Variants in QSER1 observed in about 807,000 individuals in gnomAD.
QSER1 encodes glutamine and serine rich 1.
In QSER1, 49 loss-of-function variants were observed where a neutral mutation model predicts 158.5. The observed-to-expected ratio is 0.31, with a 90% CI of 0.25 to 0.39. The LOEUF (loss-of-function observed/expected upper bound fraction) is 0.39, where lower values mean the gene tolerates loss of function less well. QSER1 is among the 10% of genes least tolerant of loss of function. The probability of loss-of-function intolerance (pLI) is 1.00; values close to 1 mark genes in which losing one functional copy is unlikely to be tolerated. For synonymous variants in QSER1, 650 were observed against 715.5 expected, an observed-to-expected ratio of 0.91 and a Z score of 1.46; for missense variants, 1,754 against 2,010.3, an observed-to-expected ratio of 0.87 and a Z score of 2.44.
chr11:32,928,274 G>A, intron 3 of QSER1, 151 bp downstream of exon 3: 1 of 586,980 alleles, frequency 1.7e-6, no homozygotes, highest in South Asian at 2.3e-5. Context: ...ATTTTCAGGT[G>A]GATAAAATTC....
At chr11:32,937,670 T>C (rs151150590) in intron 4 of QSER1, among the ~76,000 whole-genome samples, 2 of 152,346 alleles carry the variant, frequency 1.3e-5, no homozygotes, top group Non-Finnish European at 2.9e-5. Flanking sequence ...GGAAAGCTGA[T>C]TGTTACTTCT....
At chr11:32,921,319 T>C (rs987153432) in intron 1 of QSER1, among the ~76,000 whole-genome samples, 1 of 152,146 alleles carries the variant, frequency 6.6e-6, no homozygotes. Flanking sequence ...AGAAGGTAGA[T>C]CAGTGATTGC....
At chr11:32,917,821 C>CAA (rs371007117) in intron 1 of QSER1, among the ~76,000 whole-genome samples, 24,828 of 78,816 alleles carry the variant, frequency 0.32, 4,557 homozygotes, top group East Asian at 0.65. Context: ...GACTCTGTCT[C>CAA]AAAAAAAAAA....
intron 10 of QSER1, among the ~76,000 whole-genome samples, chr11:32,971,339 C>T (rs1160953175): frequency 1.3e-5 from 2 of 152,118 alleles, no homozygotes; most frequent in East Asian, 3.9e-4. Context: ...AGTGTGCTTT[C>T]CTATGTTGAT....
chr11:32,936,520 AT>A (rs751102070), intron 4 of QSER1, among the ~76,000 whole-genome samples: 1 of 152,232 alleles, frequency 6.6e-6, no homozygotes, highest in African/African-American at 2.4e-5. Context: ...TGTAAGAAAC[AT>A]GCCAAGGAAA....
chr11:32,898,645 G>GGT (rs1851587696), intron 1 of QSER1, among the ~76,000 whole-genome samples: 1 of 152,078 alleles, frequency 6.6e-6, no homozygotes, highest in Admixed American at 6.5e-5. Flanking sequence ...GGAGTACAGT[G>GGT]GTATGAACAC....
In QSER1 at chr11:32,977,840, T is replaced by C. The variant is rs557897914; in HGVS notation, c.*1366T>C. The C allele has an allele frequency of 6.5e-6, 1 of 152,772 alleles. No individual in the cohort carries two copies. Among genetic ancestry groups the C allele is most frequent in the African/African-American group, 2.4e-5 (1 of 41,582 alleles). The allele number at this position is 152,772 out of a possible 1,614,324, so 9.5% of individuals were successfully genotyped here. The stretch of plus-strand genomic sequence containing the variant: ...CTAAAGAAGTTAATCATCATCCTTT[T>C]GTTTATTTTACCACCATTTAGTGCC... On this transcript the variant is annotated 3_prime_UTR_variant, in exon 13 of 13. Coordinates refer to ENST00000650167, the MANE Select transcript of QSER1 (RefSeq NM_001076786.3).
chr11:32,959,200 C>T (rs1392305055), intron 8 of QSER1, among the ~76,000 whole-genome samples: 3 of 152,196 alleles, frequency 2.0e-5, no homozygotes, highest in Admixed American at 6.5e-5. Context: ...CGCATAGATT[C>T]ATTTGCATAT....
In QSER1 at chr11:32,935,325, C is replaced by T; in HGVS notation, c.4067C>T (p.Ser1356Phe). The T allele has an allele frequency of 6.2e-7, 1 of 1,613,626 alleles. No homozygotes were observed. The highest frequency in any genetic ancestry group is 8.5e-7 in the Non-Finnish European group (1 of 1,179,756). The part of the protein sequence containing the change: ...DNELKNLEHL[S>F]SFSSDEDDPG... ...GAACTTAAAAACTTGGAACATTTATCTTCATTTTCTTCTGATGAAGATGAT... is the reference window on the plus strand; with the variant it reads ...GAACTTAAAAACTTGGAACATTTATTTTCATTTTCTTCTGATGAAGATGAT... The change falls in exon 4 of 13, where the codon TCT becomes TTT. Residue 1356 changes from serine to phenylalanine, a missense_variant. Physicochemically the swap from Ser to Phe is radical, Grantham distance 155. Coordinates refer to ENST00000650167, the MANE Select transcript of QSER1 (RefSeq NM_001076786.3).
chr11:32,904,794 A>G (rs1156306204), intron 1 of QSER1, among the ~76,000 whole-genome samples: 1 of 151,958 alleles, frequency 6.6e-6, no homozygotes, highest in Non-Finnish European at 1.5e-5. Flanking sequence ...CTCTGCTAGT[A>G]CCCTCAAAAG....
At chr11:32,915,044 CT>C (rs1252861280) in intron 1 of QSER1, among the ~76,000 whole-genome samples, 5 of 152,102 alleles carry the variant, frequency 3.3e-5, no homozygotes, top group Admixed American at 2.0e-4. Flanking sequence ...CTTAGCCCCC[CT>C]GAGTAGCTTG....
intron 1 of QSER1, among the ~76,000 whole-genome samples, chr11:32,920,038 C>A (rs1219702244): frequency 3.3e-5 from 5 of 152,084 alleles, no homozygotes; most frequent in Admixed American, 3.3e-4. Flanking sequence ...ATATTTCCTG[C>A]CCCAGTACTA....
intron 1 of QSER1, among the ~76,000 whole-genome samples, chr11:32,922,548 G>C (rs1851912781): frequency 7.3e-6 from 1 of 137,174 alleles, no homozygotes; most frequent in Non-Finnish European, 1.5e-5. Context: ...GCAGTGGTGT[G>C]ATCTCGGCTC....
In QSER1 at chr11:32,933,851, CTT is replaced by C; in HGVS notation, c.2594_2595del (p.Leu865ProfsTer44). On this transcript the variant is annotated frameshift_variant, in exon 4 of 13. Transcript: ENST00000650167. LOFTEE classifies it high-confidence loss of function. Reference protein sequence around the residue: ...LLDSACDLQILQQSILQAGLG... With the variant: ...LLDSACDLQIXQQSILQAGLG... ...AGATTCTGCCTGTGATTTACAAATT[CTT>C]CAGCAGTCAATACTGCAGGCAGGTT... 6.2e-7 allele frequency: 1 copy of C among 1,613,412 alleles called. No homozygotes were observed. Among genetic ancestry groups the C allele is most frequent in the Non-Finnish European group, 8.5e-7 (1 of 1,179,730 alleles).
chr11:32,970,420 T>G (rs1852830534), intron 10 of QSER1, among the ~76,000 whole-genome samples: 1 of 152,210 alleles, frequency 6.6e-6, no homozygotes, highest in African/African-American at 2.4e-5. Context: ...CGTTTTTGTT[T>G]TTGAGATGGA....
intron 7 of QSER1, among the ~76,000 whole-genome samples, chr11:32,956,457 A>C (rs1405487049): frequency 6.6e-6 from 1 of 152,184 alleles, no homozygotes; most frequent in Non-Finnish European, 1.5e-5. Context: ...TTTTTCATCT[A>C]TAAAATGTAA....
chr11:32,920,318 T>G (rs1851884705), intron 1 of QSER1, among the ~76,000 whole-genome samples: 1 of 152,214 alleles, frequency 6.6e-6, no homozygotes, highest in Non-Finnish European at 1.5e-5. Context: ...CATTATACTT[T>G]GAGTAGCAAA....
chr11:32,896,652 G>A (rs1590703082), intron 1 of QSER1, among the ~76,000 whole-genome samples: 2 of 152,208 alleles, frequency 1.3e-5, no homozygotes, highest in Admixed American at 6.5e-5. Context: ...GCCTCCCAAA[G>A]TGCTGGGATT....
chr11:32,909,843 TA>T (rs1444906759), intron 1 of QSER1, among the ~76,000 whole-genome samples: 1 of 152,174 alleles, frequency 6.6e-6, no homozygotes, highest in Non-Finnish European at 1.5e-5. Flanking sequence ...CATGACATTA[TA>T]AGGTGTATTT....
Sources: gnomAD v4.1 joint callset for allele counts (sites outside exome capture counted in the v4.1 genomes callset) on GRCh38, gnomAD v4.1.1 for gene constraint, MANE v1.5 for transcripts, NCBI Gene and HGNC (gene_info 2026-07-23, HGNC 2026-07-21) for gene names.